IL1RAPL2: variants seen among roughly 807,000 people sequenced by gnomAD.
The protein encoded by IL1RAPL2 is X-linked interleukin-1 receptor accessory protein-like 2.
Under a neutral mutation model 44.1 loss-of-function variants are expected in IL1RAPL2, and 3 were observed. The observed-to-expected ratio is 0.07, with a 90% CI of 0.03 to 0.18. IL1RAPL2 has a LOEUF of 0.18. IL1RAPL2 is among the 10% of genes least tolerant of loss of function. The probability of loss-of-function intolerance (pLI) is 1.00; values close to 1 mark genes in which losing one functional copy is unlikely to be tolerated. For missense variants in IL1RAPL2, 391 were observed against 496.4 expected, an observed-to-expected ratio of 0.79 and a Z score of 2.02; for synonymous variants, 181 against 178.8, an observed-to-expected ratio of 1.01 and a Z score of -0.10.
chrX:105,263,364 G>T (rs1345945496), intron 4 of IL1RAPL2, among the ~76,000 whole-genome samples: 1 of 111,512 alleles, frequency 9.0e-6, no homozygotes, highest in Admixed American at 9.6e-5. Flanking sequence ...CTCAGAATCA[G>T]AAGAAATATT....
At chrX:104,778,252 G>A (rs977785719) in intron 2 of IL1RAPL2, among the ~76,000 whole-genome samples, 3 of 110,352 alleles carry the variant, frequency 2.7e-5, no homozygotes, top group African/African-American at 9.9e-5. Context: ...TTAGCCCCTC[G>A]GAGATCTTTA....
chrX:104,981,655 G>A (rs2030442146), intron 2 of IL1RAPL2, among the ~76,000 whole-genome samples: 1 of 110,641 alleles, frequency 9.0e-6, no homozygotes, highest in Admixed American at 9.7e-5. Flanking sequence ...TTCTTCTTCT[G>A]ATTCTCAAGG....
chrX:105,061,563 A>T (rs964737888), intron 2 of IL1RAPL2, among the ~76,000 whole-genome samples: 1 of 112,007 alleles, frequency 8.9e-6, no homozygotes, highest in Non-Finnish European at 1.9e-5. Context: ...TTTGTTCTGT[A>T]GTGCAGATTA....
chrX:105,351,528 G>T (rs1213590135), intron 5 of IL1RAPL2, among the ~76,000 whole-genome samples: 2 of 110,504 alleles, frequency 1.8e-5, no homozygotes, highest in Non-Finnish European at 3.8e-5. Context: ...ACTAACACAA[G>T]AACAGAAAAC....
At chrX:105,234,695 CA>C (rs2034104096) in intron 4 of IL1RAPL2, among the ~76,000 whole-genome samples, 1 of 109,062 alleles carries the variant, frequency 9.2e-6, no homozygotes, top group African/African-American at 3.3e-5. Flanking sequence ...GTAATCCCAG[CA>C]ACTTGGAAGG....
intron 6 of IL1RAPL2, among the ~76,000 whole-genome samples, chrX:105,712,880 G>C (rs1030686912): frequency 8.9e-6 from 1 of 112,301 alleles, no homozygotes; most frequent in Non-Finnish European, 1.9e-5. Context: ...TTGGGTAAAT[G>C]TTCCCATTCC....
At chrX:105,594,436 T>G (rs2037193740) in intron 6 of IL1RAPL2, among the ~76,000 whole-genome samples, 1 of 111,878 alleles carries the variant, frequency 8.9e-6, no homozygotes, top group African/African-American at 3.2e-5. Flanking sequence ...TATGTTTTGG[T>G]AGGTTTCTGG....
Position 105,542,731 on chromosome X carries a change from A to T in IL1RAPL2, c.772+58344A>T, listed in dbSNP as rs5962547. ...TATTTATTTATTTATTTATTTATTT[A>T]ATTTATTATTTTTTTTTTTTGAGAC... is the stretch of plus-strand genomic sequence containing the variant. On this transcript the variant is annotated intron_variant, in intron 6 of 10. Coordinates refer to ENST00000372582, the MANE Select transcript of IL1RAPL2 (RefSeq NM_017416.2). Among the ~76,000 whole-genome samples, 452 of 45,231 alleles carry T rather than the reference A, an allele frequency of 1.0e-2. 2 individuals carry two copies. The highest frequency in any genetic ancestry group is 0.028 in the East Asian group (62 of 2,191). The allele number at this position is 45,231 out of a possible 115,157, so 39.3% of individuals were successfully genotyped here. A position where few individuals can be genotyped will look rare whatever the true frequency, so the allele number is the denominator to read the frequency against.
intron 2 of IL1RAPL2, among the ~76,000 whole-genome samples, chrX:104,805,004 T>G (rs1932911802): frequency 8.9e-6 from 1 of 112,138 alleles, no homozygotes; most frequent in South Asian, 3.8e-4. Flanking sequence ...AAGATAGAGC[T>G]GAGAGGCATG....
intron 5 of IL1RAPL2, among the ~76,000 whole-genome samples, chrX:105,400,667 T>TTGGC (rs780258151): frequency 0.061 from 6,764 of 111,484 alleles, 500 homozygotes; most frequent in African/African-American, 0.21. Flanking sequence ...TGCAGTTATA[T>TTGGC]TACCTGGTTT....
At chrX:105,568,880 A>G (rs1474323899) in intron 6 of IL1RAPL2, among the ~76,000 whole-genome samples, 2 of 111,856 alleles carry the variant, frequency 1.8e-5, no homozygotes, top group East Asian at 5.6e-4. Flanking sequence ...TGAATGCACA[A>G]AATAATTGAC....
rs760251242 is a variant in IL1RAPL2 at position 105,749,669 on chromosome X, G to C, written c.1192+566G>C. ...GGTGACCTGAAAGAATAAAAATTCA[G>C]AGTGTAGCTCATAATTTTCTTATAT... On this transcript the variant is annotated intron_variant, in intron 9 of 10. Transcript: ENST00000372582. Among the ~76,000 whole-genome samples, 4 of 112,193 alleles carry C rather than the reference G, an allele frequency of 3.6e-5. 1 individual carries two copies. The South Asian group carries it at 1.5e-3, about 41-fold the overall frequency.
intron 1 of IL1RAPL2, among the ~76,000 whole-genome samples, chrX:104,615,940 T>C (rs972577634): frequency 8.9e-6 from 1 of 112,430 alleles, no homozygotes; most frequent in Non-Finnish European, 1.9e-5. Flanking sequence ...TGGGATGGTA[T>C]CTCATTGTGG....
intron 5 of IL1RAPL2, among the ~76,000 whole-genome samples, chrX:105,305,716 C>A (rs1428554118): frequency 9.0e-6 from 1 of 111,630 alleles, no homozygotes; most frequent in Non-Finnish European, 1.9e-5. Context: ...TAAGGTTGAG[C>A]CTTTACTATG....
intron 2 of IL1RAPL2, among the ~76,000 whole-genome samples, chrX:104,950,196 A>G (rs2147709571): frequency 9.0e-6 from 1 of 110,652 alleles, no homozygotes; most frequent in Non-Finnish European, 1.9e-5. Flanking sequence ...GTCTCTTTTG[A>G]TCTTTGTTGG....
intron 3 of IL1RAPL2, among the ~76,000 whole-genome samples, chrX:105,227,301 G>A (rs184715905): frequency 4.5e-5 from 5 of 111,590 alleles, no homozygotes; most frequent in East Asian, 2.8e-4. Context: ...TACACCTTAC[G>A]GAAAAAATGT....
intron 7 of IL1RAPL2, among the ~76,000 whole-genome samples, chrX:105,723,244 G>A (rs1442757347): frequency 9.0e-6 from 1 of 111,331 alleles, no homozygotes. Context: ...TTTATAACGA[G>A]GATGGCCTTC....
At chrX:105,654,296 G>A (rs1348480114) in intron 6 of IL1RAPL2, among the ~76,000 whole-genome samples, 1 of 110,799 alleles carries the variant, frequency 9.0e-6, no homozygotes, top group Admixed American at 9.6e-5. Context: ...CCAAATGGAG[G>A]AATAAGAGCT....
At chrX:105,372,095 C>T (rs1261314708) in intron 5 of IL1RAPL2, among the ~76,000 whole-genome samples, 1 of 111,179 alleles carries the variant, frequency 9.0e-6, no homozygotes. Flanking sequence ...CAACAGAAGA[C>T]TTATTACCTC....
Sources: gnomAD v4.1 joint callset for allele counts (sites outside exome capture counted in the v4.1 genomes callset) on GRCh38, gnomAD v4.1.1 for gene constraint, MANE v1.5 for transcripts, NCBI Gene and HGNC (gene_info 2026-07-23, HGNC 2026-07-21) for gene names.